The following USP36 variants were observed in gnomAD, a reference collection of about 807,000 sequenced individuals.
The protein encoded by USP36 is ubiquitin specific peptidase 36.
Under a neutral mutation model 111.5 loss-of-function variants are expected in USP36, and 59 were observed. That is an observed-to-expected ratio of 0.53 (90% CI 0.43 to 0.66). The LOEUF (loss-of-function observed/expected upper bound fraction) is 0.66, where lower values mean the gene tolerates loss of function less well. USP36 is among the 30% of genes least tolerant of loss of function. The pLI is 0.00. For synonymous variants in USP36, 628 were observed against 581.0 expected (o/e 1.08, Z -1.16); for missense variants, 1,488 against 1,468.0 (o/e 1.01, Z -0.22).
intron 1 of USP36, among the ~76,000 whole-genome samples, chr17:78,840,139 A>C (rs1189420632): frequency 6.6e-6 from 1 of 152,128 alleles, no homozygotes; most frequent in African/African-American, 2.4e-5. Flanking sequence ...CTCCCCGAGC[A>C]TGGCTCCGTG....
chr17:78,806,855 A>C, intron 14 of USP36, 104 bp downstream of exon 14: 22 of 1,448,018 alleles, frequency 1.5e-5, no homozygotes, highest in Non-Finnish European at 2.1e-5. Flanking sequence ...AACATGAGGG[A>C]GGCCAAAGCC....
At chr17:78,827,164 C>G (rs1265109775) in intron 6 of USP36, 81 bp downstream of exon 6, 9 of 1,334,676 alleles carry the variant, frequency 6.7e-6, no homozygotes, top group Non-Finnish European at 8.0e-6. Context: ...GCCGGGCTGG[C>G]TGTTGCCATA....
chr17:78,836,806 CACACACACACACAAACGG>C (rs959389020), intron 2 of USP36, among the ~76,000 whole-genome samples: 50 of 144,194 alleles, frequency 3.5e-4, no homozygotes, highest in Non-Finnish European at 4.6e-4. Context: ...CGGACACACA[CACACACACACACAAACGG>C]ACACACACAC....
At chr17:78,808,016 T>C (rs912973689) in intron 13 of USP36, among the ~76,000 whole-genome samples, 1 of 152,196 alleles carries the variant, frequency 6.6e-6, no homozygotes, top group African/African-American at 2.4e-5. Flanking sequence ...AATACATATC[T>C]TTATGGCCAC....
At position 78,820,014 on chromosome 17, in the gene USP36, TGAG is replaced by T. The variant is rs1331102030; in HGVS notation, c.829-5_829-3del. 6 of 1,614,000 alleles carry T rather than the reference TGAG, an allele frequency of 3.7e-6. No homozygotes were observed. Among genetic ancestry groups the T allele is most frequent in the East Asian group, 4.5e-5 (2 of 44,888 alleles). On this transcript the variant is annotated splice_polypyrimidine_tract_variant and splice_region_variant and intron_variant, in intron 8 of 20. Transcript: ENST00000449938. ...AGCACGCACAATATTCGCAGCTTGC[TGAG>T]GAGGACAAAAACAGGGAGTAAAATA...
chr17:78,819,900 G>C (rs370230515), intron 9 of USP36, 30 bp downstream of exon 9: 47 of 1,610,078 alleles, frequency 2.9e-5, no homozygotes, highest in African/African-American at 5.3e-5. Flanking sequence ...TCTGGTATCA[G>C]TCTTCTGCCA....
chr17:78,788,319 C>T (rs919783296), intron 3 of USP36, among the ~76,000 whole-genome samples: 2 of 152,146 alleles, frequency 1.3e-5, no homozygotes, highest in African/African-American at 2.4e-5. Flanking sequence ...TATGCGCCAC[C>T]ACGCCCAGCT....
chr17:78,802,978 ACCCAGGCTGTAGTGCAGT>A (rs1161222862), intron 16 of USP36, among the ~76,000 whole-genome samples: 2 of 151,918 alleles, frequency 1.3e-5, no homozygotes, highest in Non-Finnish European at 2.9e-5. Context: ...TTTAGCTGTC[ACCCAGGCTGTAGTGCAGT>A]GACGCGATCT....
intron 5 of USP36, among the ~76,000 whole-genome samples, chr17:78,827,700 C>T (rs1027790973): frequency 1.3e-5 from 2 of 151,980 alleles, no homozygotes; most frequent in African/African-American, 2.4e-5. Context: ...CCCAGGAGTT[C>T]GAGGGCAGCC....
intron 14 of USP36, among the ~76,000 whole-genome samples, chr17:78,806,489 C>CA (rs1247409046): frequency 4.0e-5 from 6 of 151,806 alleles, no homozygotes; most frequent in African/African-American, 1.2e-4. Context: ...TGGTTAGAAA[C>CA]AAAAAAAAGG....
At chr17:78,788,683 G>A (rs1050522951) in intron 3 of USP36, among the ~76,000 whole-genome samples, 10 of 152,116 alleles carry the variant, frequency 6.6e-5, no homozygotes, top group African/African-American at 9.7e-5. Context: ...GGCCAAGGAC[G>A]AGATGTGGAG....
chr17:78,806,081 A>C (rs1387562354), intron 15 of USP36, 75 bp downstream of exon 15: 2 of 1,603,514 alleles, frequency 1.2e-6, no homozygotes, highest in Non-Finnish European at 1.7e-6. Flanking sequence ...GATTCGTCCA[A>C]CTCCTCACCA....
At chr17:78,839,742 C>T (rs1475777584) in intron 1 of USP36, among the ~76,000 whole-genome samples, 1 of 152,158 alleles carries the variant, frequency 6.6e-6, no homozygotes, top group African/African-American at 2.4e-5. Context: ...ACCTAAACAA[C>T]GCTCGCTCGC....
chr17:78,818,755 C>T lies in USP36; in HGVS notation c.935G>A (p.Ser312Asn). The change falls in exon 10 of 21, where the codon AGC becomes AAC. Residue 312 changes from serine to asparagine, a missense_variant. Around this residue, in one of 3 missense-constraint regions of USP36, gnomAD observed 196 missense variants for 264.4 expected, o/e 0.74. Coordinates refer to ENST00000449938, the MANE Select transcript of USP36 (RefSeq NM_001385174.1). ...TGTTCTGTGGATGGTGAAGCGCTTG[C>T]TGGCTGGAACCTTCTTCTTGCATCT... is the stretch of plus-strand genomic sequence containing the variant. ...CAKCKKKVPA[S>N]KRFTIHRTSN... 1.2e-6 allele frequency: 2 copies of T among 1,614,008 alleles called. No homozygotes were observed. Among genetic ancestry groups the T allele is most frequent in the South Asian group, 2.2e-5 (2 of 91,072 alleles).
In USP36 at chr17:78,833,134, C is replaced by G. The variant is rs180869133; in HGVS notation, c.475+2146G>C. Among the ~76,000 whole-genome samples the G allele has an allele frequency of 9.9e-5, 15 of 152,138 alleles. 1 individual carries two copies. In the East Asian group the frequency reaches 2.9e-3, roughly 30 times the overall value. ...CTGCACTCCAGCCTGGGCGACAGAACGAGACTCCATCTCCAAAAAACGCCC... is the reference window on the plus strand; with the variant it reads ...CTGCACTCCAGCCTGGGCGACAGAAGGAGACTCCATCTCCAAAAAACGCCC... On this transcript the variant is annotated intron_variant, in intron 4 of 20. Transcript: ENST00000449938.
chr17:78,826,132 C>T (rs2067519183), intron 6 of USP36, among the ~76,000 whole-genome samples: 1 of 152,158 alleles, frequency 6.6e-6, no homozygotes, highest in African/African-American at 2.4e-5. Context: ...AGCTTGAGCC[C>T]CTTCAGGAGA....
chr17:78,807,223 C>T lies in USP36; in HGVS notation c.1821G>A (p.Arg607=), dbSNP rs139827515. 529 of 1,613,950 alleles carry T rather than the reference C, an allele frequency of 3.3e-4. No homozygotes were observed. Among genetic ancestry groups the T allele is most frequent in the Non-Finnish European group, 4.3e-4 (506 of 1,179,984 alleles). Residue 607 remains arginine, a synonymous_variant, in exon 14 of 21, where the codon AGG becomes AGA. Coordinates refer to ENST00000449938, the MANE Select transcript of USP36 (RefSeq NM_001385174.1). The part of the protein sequence containing the change: ...KGNDESAGLD[R]RGSSSSSPEH... ...CTGGGCTGGAGCTGCTGGAGCCCCT[C>T]CTGTCGAGGCCAGCGCTCTCGTCGT...
intron 1 of USP36, among the ~76,000 whole-genome samples, chr17:78,840,191 C>G (rs1420927739): frequency 6.6e-6 from 1 of 152,170 alleles, no homozygotes; most frequent in Non-Finnish European, 1.5e-5. Flanking sequence ...TCTCCCCTCT[C>G]GTGTGTCTGG....
At chr17:78,813,373 G>C (rs1174096259) in intron 12 of USP36, among the ~76,000 whole-genome samples, 1 of 152,148 alleles carries the variant, frequency 6.6e-6, no homozygotes, top group African/African-American at 2.4e-5. Flanking sequence ...CCAGCTCCAG[G>C]AGAAGGCCCC....
Sources: allele counts gnomAD v4.1 joint callset (sites outside exome capture counted in the v4.1 genomes callset), GRCh38; gene constraint gnomAD v4.1.1; regional missense constraint gnomAD v4.1.1; transcripts MANE v1.5; gene names NCBI Gene and HGNC (gene_info 2026-07-23, HGNC 2026-07-21).